The following ZBTB20 variants were observed in gnomAD, a reference collection of about 807,000 sequenced individuals.
ZBTB20 encodes zinc finger and BTB domain containing 20, also known as zinc finger and BTB domain-containing protein 20.
In ZBTB20, 9 loss-of-function variants were observed where a neutral mutation model predicts 56.9. That is an observed-to-expected ratio of 0.16 (90% confidence interval 0.10 to 0.28). ZBTB20 has a LOEUF of 0.28. Among genes scored for constraint, ZBTB20 ranks in the 10% least tolerant of loss-of-function variants. The pLI, the probability that ZBTB20 is intolerant of heterozygous loss-of-function variation, is 1.00. For missense variants in ZBTB20, 655 were observed against 1,003.0 expected, an observed-to-expected ratio of 0.65 and a Z score of 4.69; for synonymous variants, 417 against 420.7, an observed-to-expected ratio of 0.99 and a Z score of 0.11.
At position 115,071,303 on chromosome 3, in the gene ZBTB20, G is replaced by C. The variant is rs141164031; in HGVS notation, c.-591C>G. The C allele has an allele frequency of 3.3e-5, 5 of 152,162 alleles. No individual in the cohort carries two copies. The highest frequency in any genetic ancestry group is 7.3e-5 in the Non-Finnish European group (5 of 68,034). The allele number at this position is 152,162 out of a possible 1,614,324, so 9.4% of individuals were successfully genotyped here. ...ATAGGCATGGGTGTGAGATCAACTG[G>C]AGATTCAAGGAAGCTAAAGTGCCCA... On this transcript the variant is annotated 5_prime_UTR_variant, in exon 2 of 12. Transcript: ENST00000675478.
At chr3:114,841,778 C>T (rs548330187) in intron 4 of ZBTB20, among the ~76,000 whole-genome samples, 1 of 152,234 alleles carries the variant, frequency 6.6e-6, no homozygotes, top group East Asian at 1.9e-4. Context: ...GTCTAGAAGG[C>T]AGTGCTCAGA....
chr3:114,647,052 G>A (rs990088213), intron 6 of ZBTB20, among the ~76,000 whole-genome samples: 6 of 151,962 alleles, frequency 3.9e-5, no homozygotes, highest in South Asian at 4.2e-4. Flanking sequence ...TCTGCCTCCC[G>A]GGTTCATGCC....
intron 7 of ZBTB20, among the ~76,000 whole-genome samples, chr3:114,399,062 T>C (rs929540589): frequency 6.6e-6 from 1 of 152,132 alleles, no homozygotes; most frequent in Non-Finnish European, 1.5e-5. Context: ...GGCCCTGAGT[T>C]TTTCAGATTA....
intron 3 of ZBTB20, among the ~76,000 whole-genome samples, chr3:114,902,635 A>G (rs1448964541): frequency 6.6e-6 from 1 of 152,112 alleles, no homozygotes; most frequent in African/African-American, 2.4e-5. Flanking sequence ...TCCTTATGTG[A>G]TCTATTTTTT....
chr3:114,523,315 A>G lies in ZBTB20; in HGVS notation c.-294-22924T>C, dbSNP rs76038325. On this transcript the variant is annotated intron_variant, in intron 6 of 11. Transcript: ENST00000675478. ...GTTTTACTAGACTGGTAGGTGCAAAAGCTAACTAGAGGGGCAAAAGAGAAC... is the reference window on the plus strand; with the variant it reads ...GTTTTACTAGACTGGTAGGTGCAAAGGCTAACTAGAGGGGCAAAAGAGAAC... 3.9e-5 allele frequency among the ~76,000 whole-genome samples: 6 copies of G among 152,318 alleles called. No homozygotes were observed. In the East Asian group the frequency reaches 1.2e-3, roughly 29 times the overall value.
intron 7 of ZBTB20, among the ~76,000 whole-genome samples, chr3:114,409,919 A>G (rs1245776102): frequency 6.6e-6 from 1 of 152,182 alleles, no homozygotes; most frequent in Non-Finnish European, 1.5e-5. Context: ...TAGGGTGACT[A>G]TATGTTGGGA....
At chr3:114,990,035 A>G (rs1209828126) in intron 2 of ZBTB20, among the ~76,000 whole-genome samples, 1 of 152,200 alleles carries the variant, frequency 6.6e-6, no homozygotes, top group African/African-American at 2.4e-5. Context: ...ATATACAATC[A>G]TGTCATCTGC....
intron 6 of ZBTB20, among the ~76,000 whole-genome samples, chr3:114,532,654 C>T (rs1322269886): frequency 6.6e-6 from 1 of 152,230 alleles, no homozygotes; most frequent in Admixed American, 6.5e-5. Flanking sequence ...GACAGATTGC[C>T]TCCTCAAGTG....
chr3:114,934,222 C>T (rs576588915), intron 3 of ZBTB20, among the ~76,000 whole-genome samples: 1 of 152,154 alleles, frequency 6.6e-6, no homozygotes, highest in Non-Finnish European at 1.5e-5. Context: ...CCTTCCCCAA[C>T]TTTCCCCATT....
At chr3:114,714,931 A>T (rs1030481668) in intron 5 of ZBTB20, among the ~76,000 whole-genome samples, 1 of 152,232 alleles carries the variant, frequency 6.6e-6, no homozygotes, top group African/African-American at 2.4e-5. Context: ...TTTTGTTCTC[A>T]CACCACTATA....
chr3:114,882,465 G>T (rs1316456351), intron 4 of ZBTB20, among the ~76,000 whole-genome samples: 2 of 151,882 alleles, frequency 1.3e-5, no homozygotes, highest in East Asian at 1.9e-4. Flanking sequence ...TAAAAACAAG[G>T]ATATATTTAG....
chr3:115,039,768 A>G (rs1331811788), intron 2 of ZBTB20, among the ~76,000 whole-genome samples: 2 of 152,228 alleles, frequency 1.3e-5, no homozygotes, highest in East Asian at 3.9e-4. Context: ...TATTTTTTGA[A>G]TAGTGGTAAC....
At chr3:114,596,502 T>C (rs923610491) in intron 6 of ZBTB20, among the ~76,000 whole-genome samples, 4 of 152,176 alleles carry the variant, frequency 2.6e-5, no homozygotes, top group African/African-American at 9.7e-5. Flanking sequence ...TTGCCAGTTG[T>C]GAAAGGATTT....
chr3:114,972,834 TTC>T (rs1398446084), intron 3 of ZBTB20, among the ~76,000 whole-genome samples: 2 of 151,960 alleles, frequency 1.3e-5, no homozygotes, highest in African/African-American at 4.8e-5. Context: ...TTTCTTTAAT[TTC>T]TCTCTGTCTC....
At chr3:114,953,630 T>C (rs564937392) in intron 3 of ZBTB20, among the ~76,000 whole-genome samples, 17 of 152,122 alleles carry the variant, frequency 1.1e-4, no homozygotes, top group African/African-American at 3.4e-4. Flanking sequence ...CATCATATAA[T>C]GTTGAAGAGT....
chr3:114,415,580 T>C (rs2088460058), intron 7 of ZBTB20, among the ~76,000 whole-genome samples: 1 of 152,152 alleles, frequency 6.6e-6, no homozygotes, highest in African/African-American at 2.4e-5. Context: ...TCAGTTTTCA[T>C]ATAAATCAGA....
intron 4 of ZBTB20, among the ~76,000 whole-genome samples, chr3:114,834,537 C>T (rs1172497295): frequency 2.6e-5 from 4 of 152,172 alleles, no homozygotes; most frequent in African/African-American, 4.8e-5. Flanking sequence ...ATAGCATTTA[C>T]ATTATCCACA....
chr3:114,489,927 T>G (rs1246905942), intron 7 of ZBTB20, among the ~76,000 whole-genome samples: 1 of 152,222 alleles, frequency 6.6e-6, no homozygotes, highest in Non-Finnish European at 1.5e-5. Context: ...AAAATAAATC[T>G]GAGTAAGGGA....
chr3:114,987,741 C>T (rs931013355), intron 2 of ZBTB20, among the ~76,000 whole-genome samples: 4 of 152,116 alleles, frequency 2.6e-5, no homozygotes, highest in Admixed American at 2.0e-4. Context: ...TCCCTGTAGA[C>T]ATGAATACAG....
Sources: allele counts gnomAD v4.1 joint callset (sites outside exome capture counted in the v4.1 genomes callset), GRCh38; gene constraint gnomAD v4.1.1; transcripts MANE v1.5; gene names NCBI Gene and HGNC (gene_info 2026-07-23, HGNC 2026-07-21).